FCHSD2: variants seen among roughly 807,000 people sequenced by gnomAD.
FCHSD2 encodes F-BAR and double SH3 domains protein 2.
FCHSD2 carries 38 observed loss-of-function variants against 108.1 expected under a neutral mutation model. That is an observed-to-expected ratio of 0.35 (90% confidence interval 0.27 to 0.46). FCHSD2 has a LOEUF of 0.46. FCHSD2 is among the 20% of genes least tolerant of loss of function. FCHSD2 has a pLI of 1.00. For missense variants in FCHSD2, 751 were observed against 897.8 expected (o/e 0.84, Z 2.09); for synonymous variants, 279 against 314.7 (o/e 0.89, Z 1.20).
At chr11:73,121,571 A>C (rs1333451248) in intron 2 of FCHSD2, among the ~76,000 whole-genome samples, 1 of 152,134 alleles carries the variant, frequency 6.6e-6, no homozygotes, top group African/African-American at 2.4e-5. Context: ...GAAATAATAG[A>C]TGTTTAACAT....
At chr11:72,857,702 G>T (rs920491517) in intron 13 of FCHSD2, among the ~76,000 whole-genome samples, 1 of 151,416 alleles carries the variant, frequency 6.6e-6, no homozygotes, top group South Asian at 2.1e-4. Context: ...CACCTGCCTC[G>T]GCCTTCCAAA....
intron 2 of FCHSD2, among the ~76,000 whole-genome samples, chr11:73,111,201 A>G (rs1860477090): frequency 1.3e-5 from 2 of 152,184 alleles, no homozygotes; most frequent in African/African-American, 4.8e-5. Context: ...TCTATAGTAC[A>G]GATTAAGAGT....
Position 72,928,909 on chromosome 11 carries a change from T to A in FCHSD2, c.706-6959A>T, listed in dbSNP as rs11825680. ...CACAACAGTCCCCGATGTGTGATGT[T>A]CCCCTTCCTGTGTCCATGTGTTCTC... On this transcript the variant is annotated intron_variant, in intron 8 of 19. Transcript: ENST00000409418. 7.5e-3 allele frequency among the ~76,000 whole-genome samples: 1,144 copies of A among 151,998 alleles called. 13 individuals are homozygous for A. The highest frequency in any genetic ancestry group is 0.026 in the African/African-American group (1,085 of 41,376).
chr11:73,002,391 G>T (rs1294719757), intron 4 of FCHSD2, among the ~76,000 whole-genome samples: 2 of 152,140 alleles, frequency 1.3e-5, no homozygotes, highest in African/African-American at 4.8e-5. Flanking sequence ...CAGCATAAAA[G>T]CACTGATGAA....
chr11:72,993,879 C>T (rs1416603454), intron 5 of FCHSD2, among the ~76,000 whole-genome samples: 1 of 152,032 alleles, frequency 6.6e-6, no homozygotes, highest in African/African-American at 2.4e-5. Context: ...GCACGTTGTG[C>T]ACATGTACCC....
At chr11:72,931,279 T>TG (rs1856186684) in intron 8 of FCHSD2, among the ~76,000 whole-genome samples, 1 of 145,346 alleles carries the variant, frequency 6.9e-6, no homozygotes, top group African/African-American at 2.5e-5. Flanking sequence ...GGGTTTTTTT[T>TG]TTTTTTTAGT....
At chr11:72,993,730 G>A (rs1857464722) in intron 5 of FCHSD2, among the ~76,000 whole-genome samples, 1 of 149,078 alleles carries the variant, frequency 6.7e-6, no homozygotes, top group South Asian at 2.2e-4. Context: ...GACACAGGAA[G>A]GGGAACATCA....
chr11:72,912,240 A>G (rs1054879916), intron 9 of FCHSD2, among the ~76,000 whole-genome samples: 1 of 152,204 alleles, frequency 6.6e-6, no homozygotes, highest in East Asian at 1.9e-4. Flanking sequence ...GAGGAAACGC[A>G]TTCAGTTTTT....
chr11:72,966,946 C>A (rs1022692972), intron 8 of FCHSD2, among the ~76,000 whole-genome samples: 4 of 152,078 alleles, frequency 2.6e-5, no homozygotes, highest in African/African-American at 7.2e-5. Flanking sequence ...CGCCTGTAAT[C>A]CCAGCACTTT....
chr11:73,104,909 A>G (rs186625206), intron 2 of FCHSD2, among the ~76,000 whole-genome samples: 22 of 152,326 alleles, frequency 1.4e-4, no homozygotes, highest in Admixed American at 1.2e-3. Context: ...GTGAAAATCT[A>G]TATTTTACAA....
intron 12 of FCHSD2, among the ~76,000 whole-genome samples, chr11:72,882,491 T>C (rs1043076303): frequency 1.3e-5 from 2 of 152,202 alleles, no homozygotes; most frequent in Non-Finnish European, 2.9e-5. Context: ...TTTGATAGCT[T>C]AGCAGGGTGA....
At chr11:72,982,801 T>C (rs1264497463) in intron 8 of FCHSD2, among the ~76,000 whole-genome samples, 3 of 152,194 alleles carry the variant, frequency 2.0e-5, no homozygotes, top group Non-Finnish European at 4.4e-5. Context: ...CAAATAGTAA[T>C]GTGCAATTTT....
chr11:73,079,022 T>C (rs1399395937), intron 3 of FCHSD2, among the ~76,000 whole-genome samples: 1 of 152,120 alleles, frequency 6.6e-6, no homozygotes, highest in African/African-American at 2.4e-5. Context: ...CCTGGCCTGC[T>C]GGTAATGTTC....
At chr11:72,851,725 G>C (rs1022041228) in intron 13 of FCHSD2, among the ~76,000 whole-genome samples, 57 of 152,036 alleles carry the variant, frequency 3.7e-4, no homozygotes, top group African/African-American at 1.3e-3. Flanking sequence ...CCTGGTGACA[G>C]AGCGAGACTC....
At chr11:72,915,690 C>T (rs59090297) in intron 9 of FCHSD2, among the ~76,000 whole-genome samples, 1,798 of 152,092 alleles carry the variant, frequency 0.012, 33 homozygotes, top group African/African-American at 0.041. Context: ...CGGTGGTGGG[C>T]GCCTATAATC....
intron 12 of FCHSD2, among the ~76,000 whole-genome samples, chr11:72,882,985 G>C (rs1424684890): frequency 2.0e-5 from 3 of 152,152 alleles, no homozygotes; most frequent in Non-Finnish European, 4.4e-5. Context: ...CAATGGAACT[G>C]AATAAAATTG....
At chr11:73,031,765 A>G (rs926573634) in intron 3 of FCHSD2, among the ~76,000 whole-genome samples, 2 of 152,196 alleles carry the variant, frequency 1.3e-5, no homozygotes, top group African/African-American at 2.4e-5. Context: ...GAACTGATAC[A>G]TTACAGGTAA....
intron 8 of FCHSD2, among the ~76,000 whole-genome samples, chr11:72,954,877 T>TAC (rs374494257): frequency 5.1e-4 from 78 of 151,658 alleles, no homozygotes; most frequent in South Asian, 6.2e-4. Flanking sequence ...TCTATACATA[T>TAC]ACACACACAC....
At chr11:72,841,186 T>C (rs1411401393) in intron 18 of FCHSD2, among the ~76,000 whole-genome samples, 1 of 151,306 alleles carries the variant, frequency 6.6e-6, no homozygotes, top group Non-Finnish European at 1.5e-5. Flanking sequence ...ATACAAAAAT[T>C]AGCTGTGTGT....
Sources: allele counts gnomAD v4.1 joint callset (sites outside exome capture counted in the v4.1 genomes callset), GRCh38; gene constraint gnomAD v4.1.1; transcripts MANE v1.5; gene names NCBI Gene and HGNC (gene_info 2026-07-23, HGNC 2026-07-21).